The following RABEP1 variants were observed in gnomAD, a reference collection of about 807,000 sequenced individuals.
RABEP1 encodes the protein rabaptin, RAB GTPase binding effector protein 1.
RABEP1 carries 51 observed loss-of-function variants against 123.4 expected under a neutral mutation model. The ratio of observed to expected loss-of-function variants is 0.41; its 90% CI spans 0.33 to 0.52. RABEP1 has a LOEUF of 0.52. RABEP1 is among the 20% of genes least tolerant of loss of function. The pLI is 0.16. For missense variants in RABEP1, 888 were observed against 996.3 expected (o/e 0.89, Z 1.46); for synonymous variants, 347 against 355.2 (o/e 0.98, Z 0.26).
intron 13 of RABEP1, among the ~76,000 whole-genome samples, chr17:5,373,697 CACA>C (rs1451672707): frequency 3.4e-4 from 25 of 73,056 alleles, no homozygotes; most frequent in Admixed American, 7.0e-4. Context: ...CAGCTAAACA[CACA>C]CACACACACA....
chr17:5,318,798 A>C (rs2075323259), intron 2 of RABEP1, among the ~76,000 whole-genome samples: 1 of 152,228 alleles, frequency 6.6e-6, no homozygotes, highest in Non-Finnish European at 1.5e-5. Flanking sequence ...ACATAGATGC[A>C]AGATTCCTTG....
At position 5,383,454 on chromosome 17, in the gene RABEP1, A is replaced by C. The variant is rs1911669142; in HGVS notation, c.*231A>C. ...GCGAACACTATAAACTCCAGGCTTGATTCCAACAGGCGTGGGATCAGATTT... is the reference window on the plus strand; with the variant it reads ...GCGAACACTATAAACTCCAGGCTTGCTTCCAACAGGCGTGGGATCAGATTT... On this transcript the variant is annotated 3_prime_UTR_variant, in exon 18 of 18. Coordinates refer to ENST00000537505, the MANE Select transcript of RABEP1 (RefSeq NM_004703.6). 2 of 470,102 alleles carry C rather than the reference A, an allele frequency of 4.3e-6. No homozygotes were observed. The highest frequency in any genetic ancestry group is 3.5e-5 in the Admixed American group (1 of 28,576). The allele number at this position is 470,102 out of a possible 1,614,324, so 29.1% of individuals were successfully genotyped here.
intron 12 of RABEP1, 147 bp from the exon 13 acceptor site, chr17:5,373,165 CTG>C (rs2144712383): frequency 1.7e-6 from 1 of 589,886 alleles, no homozygotes; most frequent in Non-Finnish European, 2.7e-6. Flanking sequence ...CAGAAAATCT[CTG>C]TGCAGCTTTT....
In RABEP1 at chr17:5,385,967, G is replaced by T; in HGVS notation, c.*2744G>T. On this transcript the variant is annotated 3_prime_UTR_variant, in exon 18 of 18. Coordinates refer to ENST00000537505, the MANE Select transcript of RABEP1 (RefSeq NM_004703.6). ...TTCAGGGAGGTTCTGGCAGTGTGCA[G>T]TGTGAAATAATCCTGAGTCCTTGCT... 2.1e-6 allele frequency: 1 copy of T among 469,030 alleles called. No individual in the cohort carries two copies. The highest frequency in any genetic ancestry group is 3.7e-6 in the Non-Finnish European group (1 of 268,348). The allele number at this position is 469,030 out of a possible 1,614,324, so 29.1% of individuals were successfully genotyped here.
intron 1 of RABEP1, among the ~76,000 whole-genome samples, chr17:5,288,009 A>G (rs2074996438): frequency 6.6e-6 from 1 of 152,226 alleles, no homozygotes; most frequent in African/African-American, 2.4e-5. Context: ...GATGGAGGTT[A>G]TATTTTGAAA....
At chr17:5,354,284 T>G in intron 7 of RABEP1, 75 bp from the exon 8 acceptor site, 1 of 1,353,454 alleles carries the variant, frequency 7.4e-7, no homozygotes, top group South Asian at 1.5e-5. Flanking sequence ...TTTATTTGTT[T>G]TGAATGGTTA....
chr17:5,308,684 T>G lies in RABEP1; in HGVS notation c.35-10T>G, dbSNP rs1567872901. On this transcript the variant is annotated splice_polypyrimidine_tract_variant and intron_variant, in intron 1 of 17. Coordinates refer to ENST00000537505, the MANE Select transcript of RABEP1 (RefSeq NM_004703.6). ...GTTATTACTTGTTAACTAGTGTTTTTTTCCCCCAGTTTCTCTTCAGCAACG... is the reference window on the plus strand; with the variant it reads ...GTTATTACTTGTTAACTAGTGTTTTGTTCCCCCAGTTTCTCTTCAGCAACG... 1.2e-6 allele frequency: 2 copies of G among 1,601,896 alleles called. No individual in the cohort carries two copies. The highest frequency in any genetic ancestry group is 1.7e-6 in the Non-Finnish European group (2 of 1,176,268).
chr17:5,316,449 CAAAAAAA>C (rs386385498), intron 2 of RABEP1, among the ~76,000 whole-genome samples: 5 of 28,584 alleles, frequency 1.7e-4, no homozygotes, highest in Admixed American at 6.5e-4. Flanking sequence ...GACTCTGTCT[CAAAAAAA>C]AAAAAAAAAA....
At chr17:5,377,419 G>GT (rs1347547941) in intron 14 of RABEP1, 114 bp downstream of exon 14, 1 of 655,430 alleles carries the variant, frequency 1.5e-6, no homozygotes, top group Non-Finnish European at 2.3e-6. Context: ...AAAGAATTTA[G>GT]TAAGGACTCA....
Position 5,378,241 on chromosome 17 carries a change from T to C in RABEP1, c.2271+9T>C. On this transcript the variant is annotated intron_variant, in intron 15 of 17. Coordinates refer to ENST00000537505, the MANE Select transcript of RABEP1 (RefSeq NM_004703.6). ...AAGTGGAAAAAGGACAGGTAAGTCGTGAGTTTCAAATTAATTCTATCAGCA... is the reference window on the plus strand; with the variant it reads ...AAGTGGAAAAAGGACAGGTAAGTCGCGAGTTTCAAATTAATTCTATCAGCA... The C allele has an allele frequency of 6.3e-7, 1 of 1,577,038 alleles. No individual in the cohort carries two copies. The highest frequency in any genetic ancestry group is 8.7e-7 in the Non-Finnish European group (1 of 1,146,296).
At chr17:5,378,511 CAT>C (rs1386185452) in intron 15 of RABEP1, 14 of 501,740 alleles carry the variant, frequency 2.8e-5, no homozygotes, top group Non-Finnish European at 3.6e-6. Flanking sequence ...ATGGTCATAA[CAT>C]GTTATATGCT....
rs117681872 is a variant in RABEP1 at position 5,312,261 on chromosome 17, G to A, written c.163+3439G>A. Among the ~76,000 whole-genome samples the A allele has an allele frequency of 2.6e-5, 4 of 152,308 alleles. No homozygotes were observed. The East Asian group carries it at 7.7e-4, about 29-fold the overall frequency. On this transcript the variant is annotated intron_variant, in intron 2 of 17. Transcript: ENST00000537505. The stretch of plus-strand genomic sequence containing the variant: ...GCCCCACGGTTCAAGTGATTCTCCT[G>A]CCTTAGCCTCCCGAGTAGCAGGGAT...
At chr17:5,310,905 G>A (rs941331536) in intron 2 of RABEP1, among the ~76,000 whole-genome samples, 1 of 151,158 alleles carries the variant, frequency 6.6e-6, no homozygotes, top group African/African-American at 2.4e-5. Flanking sequence ...CGCCTCCTGG[G>A]TTCAAGCGAC....
intron 2 of RABEP1, among the ~76,000 whole-genome samples, chr17:5,316,347 G>A (rs1242592197): frequency 6.6e-6 from 1 of 150,710 alleles, no homozygotes; most frequent in Non-Finnish European, 1.5e-5. Flanking sequence ...CTACTCAGGA[G>A]GCTGAGGCAG....
At chr17:5,295,763 A>C (rs1254846419) in intron 1 of RABEP1, among the ~76,000 whole-genome samples, 4 of 152,138 alleles carry the variant, frequency 2.6e-5, no homozygotes. Flanking sequence ...AGAGCATTCT[A>C]AATTTGGTTC....
intron 2 of RABEP1, among the ~76,000 whole-genome samples, chr17:5,312,793 G>T (rs1252279408): frequency 1.3e-5 from 2 of 152,126 alleles, no homozygotes; most frequent in African/African-American, 4.8e-5. Context: ...ATTTCAAGAT[G>T]TATTGTGTGT....
At chr17:5,315,289 G>A (rs2075284869) in intron 2 of RABEP1, among the ~76,000 whole-genome samples, 1 of 152,180 alleles carries the variant, frequency 6.6e-6, no homozygotes, top group South Asian at 2.1e-4. Context: ...TTTGCTAATA[G>A]ATTTAACCAG....
At chr17:5,307,954 T>A (rs2075195837) in intron 1 of RABEP1, among the ~76,000 whole-genome samples, 1 of 152,188 alleles carries the variant, frequency 6.6e-6, no homozygotes, top group South Asian at 2.1e-4. Context: ...CAGTCTGGTA[T>A]GGCTACACTA....
chr17:5,382,503 G>A (rs1003439859), intron 17 of RABEP1, among the ~76,000 whole-genome samples: 2 of 151,258 alleles, frequency 1.3e-5, no homozygotes, highest in African/African-American at 4.9e-5. Flanking sequence ...AATCCCAGCA[G>A]TATGGGAGGC....
Sources: allele counts gnomAD v4.1 joint callset (sites outside exome capture counted in the v4.1 genomes callset), GRCh38; gene constraint gnomAD v4.1.1; transcripts MANE v1.5; gene names NCBI Gene and HGNC (gene_info 2026-07-23, HGNC 2026-07-21).